PRLR: variants seen among roughly 807,000 people sequenced by gnomAD.
PRLR encodes prolactin receptor, also known as hPRL receptor.
PRLR carries 13 observed loss-of-function variants against 40.2 expected under a neutral mutation model. The observed-to-expected ratio is 0.32, with a 90% confidence interval of 0.21 to 0.51. The LOEUF is 0.51. Among genes scored for constraint, PRLR ranks in the 20% least tolerant of loss-of-function variants. The pLI is 0.97. For synonymous variants in PRLR, 269 were observed against 278.7 expected (o/e 0.97, Z 0.35); for missense variants, 656 against 747.3 (o/e 0.88, Z 1.42).
rs150007495 is a variant in PRLR at position 35,183,406 on chromosome 5, G to A, written c.-106+46862C>T. Among the ~76,000 whole-genome samples, 363 of 152,302 alleles carry A rather than the reference G, an allele frequency of 2.4e-3. 2 individuals are homozygous for A. Among genetic ancestry groups the A allele is most frequent in the African/African-American group, 8.3e-3 (346 of 41,558 alleles). ...TCGCCCCCCAATGGACACCCAGTGAGTTGCCAATGTCTCTTGTCAAAGGTA... is the reference window on the plus strand; with the variant it reads ...TCGCCCCCCAATGGACACCCAGTGAATTGCCAATGTCTCTTGTCAAAGGTA... On this transcript the variant is annotated intron_variant, in intron 1 of 9. Coordinates refer to ENST00000618457, the MANE Select transcript of PRLR (RefSeq NM_000949.7).
chr5:35,217,353 C>T (rs1187603367), intron 1 of PRLR, among the ~76,000 whole-genome samples: 2 of 152,250 alleles, frequency 1.3e-5, no homozygotes, highest in African/African-American at 2.4e-5. Context: ...GCTGAAAGTA[C>T]ATGCCCACCA....
At chr5:35,197,181 A>G (rs1428288685) in intron 1 of PRLR, among the ~76,000 whole-genome samples, 2 of 152,108 alleles carry the variant, frequency 1.3e-5, no homozygotes, top group South Asian at 2.1e-4. Flanking sequence ...GTTTAATCCA[A>G]TTTGCCGAGG....
At chr5:35,176,756 G>A (rs1165835862) in intron 1 of PRLR, among the ~76,000 whole-genome samples, 6 of 152,122 alleles carry the variant, frequency 3.9e-5, no homozygotes, top group Non-Finnish European at 7.4e-5. Flanking sequence ...TCTGAAATAC[G>A]GCCTCGTGGG....
intron 2 of PRLR, among the ~76,000 whole-genome samples, chr5:35,099,139 CA>C (rs1229037667): frequency 6.6e-6 from 1 of 152,196 alleles, no homozygotes; most frequent in African/African-American, 2.4e-5. Context: ...TCTGGCCACA[CA>C]GTTAAAGTTA....
intron 1 of PRLR, among the ~76,000 whole-genome samples, chr5:35,225,948 C>T (rs538327757): frequency 6.6e-5 from 10 of 152,314 alleles, no homozygotes; most frequent in African/African-American, 2.4e-4. Context: ...TCCTAAAGTG[C>T]TTGGATTACA....
intron 1 of PRLR, among the ~76,000 whole-genome samples, chr5:35,177,774 T>C (rs1033095876): frequency 6.6e-6 from 1 of 152,258 alleles, no homozygotes; most frequent in East Asian, 1.9e-4. Flanking sequence ...TAAACATTCA[T>C]GTACAAGTAT....
At chr5:35,072,925 T>G (rs1425678480) in intron 5 of PRLR, among the ~76,000 whole-genome samples, 181 bp from the exon 6 acceptor site, 1 of 152,230 alleles carries the variant, frequency 6.6e-6, no homozygotes, top group Non-Finnish European at 1.5e-5. Context: ...ATCATATTTG[T>G]GCATACAGAT....
At chr5:35,125,430 T>G (rs1773426793) in intron 1 of PRLR, among the ~76,000 whole-genome samples, 1 of 152,198 alleles carries the variant, frequency 6.6e-6, no homozygotes, top group African/African-American at 2.4e-5. Context: ...TAATTTAAAG[T>G]GAACTGGGAA....
chr5:35,065,152 G>A lies in PRLR; in HGVS notation c.1806C>T (p.Cys602=). 6.2e-7 allele frequency: 1 copy of A among 1,614,216 alleles called. No individual in the cohort carries two copies. Among genetic ancestry groups the A allele is most frequent in the South Asian group, 1.1e-5 (1 of 91,090 alleles). The part of the protein sequence containing the change: ...LANFTATSSK[C]RLQLGGLDYL... ...AATCCAAACCACCCAGCTGGAGCCT[G>A]CACTTGCTTGATGTTGCAGTGAAGT... Residue 602 remains cysteine (C), a synonymous_variant, in exon 10 of 10, where the codon TGC becomes TGT. Transcript: ENST00000618457.
At chr5:35,139,878 A>G (rs1049052412) in intron 1 of PRLR, among the ~76,000 whole-genome samples, 4 of 152,368 alleles carry the variant, frequency 2.6e-5, no homozygotes, top group Admixed American at 2.6e-4. Flanking sequence ...GGAATGGAGA[A>G]TAAACTGGAG....
Position 35,077,809 on chromosome 5 carries a change from G to A in PRLR, c.374-5065C>T, listed in dbSNP as rs185930403. On this transcript the variant is annotated intron_variant, in intron 5 of 9. Coordinates refer to ENST00000618457, the MANE Select transcript of PRLR (RefSeq NM_000949.7). Reference sequence around the variant, plus strand: ...AGCAGACCACATAGTTGGAAGGAAAGCACTCCTCAGCAAATGTAAAAGGAC... The same window carrying A: ...AGCAGACCACATAGTTGGAAGGAAAACACTCCTCAGCAAATGTAAAAGGAC... Among the ~76,000 whole-genome samples the A allele has an allele frequency of 1.5e-3, 229 of 152,172 alleles. 2 individuals carry two copies. The highest frequency in any genetic ancestry group is 5.2e-3 in the African/African-American group (217 of 41,442).
chr5:35,086,088 T>C, intron 4 of PRLR, 120 bp downstream of exon 4: 1 of 1,221,516 alleles, frequency 8.2e-7, no homozygotes, highest in East Asian at 2.3e-5. Flanking sequence ...CTTTCCCCGG[T>C]GGTATGAACC....
Position 35,086,302 on chromosome 5 carries a change from G to A in PRLR, c.109C>T (p.Arg37Cys), listed in dbSNP as rs1196114381. The change falls in exon 4 of 10, where the codon CGT becomes TGT. Residue 37 changes from arginine (R) to cysteine (C), a missense_variant. Physicochemically the swap from Arg to Cys is radical, Grantham distance 180. Around this residue, in one of 3 missense-constraint regions of PRLR, gnomAD observed 180 missense variants for 236.8 expected, o/e 0.76. Coordinates refer to ENST00000618457, the MANE Select transcript of PRLR (RefSeq NM_000949.7). ...PPGKPEIFKC[R>C]SPNKETFTCW... ...GTGAATGTTTCCTTATTGGGAGAAC[G>A]ACATTTAAAGATCTCAGGTTTTCCA... 3.1e-6 allele frequency: 5 copies of A among 1,613,818 alleles called. No individual in the cohort carries two copies. The highest frequency in any genetic ancestry group is 3.3e-5 in the Admixed American group (2 of 59,988).
At position 35,064,832 on chromosome 5, in the gene PRLR, G is replaced by A. The variant is rs955000548; in HGVS notation, c.*257C>T. 2.1e-4 allele frequency: 98 copies of A among 467,384 alleles called. No homozygotes were observed. The highest frequency in any genetic ancestry group is 1.8e-3 in the African/African-American group (93 of 51,516). The allele number at this position is 467,384 out of a possible 1,614,324, so 29.0% of individuals were successfully genotyped here. ...CATTGTCCCTCAAGAATACTAAGCA[G>A]TGTGCTTTTATTTCATTGAACACAT... is the stretch of plus-strand genomic sequence containing the variant. On this transcript the variant is annotated 3_prime_UTR_variant, in exon 10 of 10. Transcript: ENST00000618457.
Position 35,063,318 on chromosome 5 carries a change from G to A in PRLR, c.*1771C>T, listed in dbSNP as rs1012216787. The A allele has an allele frequency of 6.6e-6, 1 of 152,170 alleles. No individual in the cohort carries two copies. The highest frequency in any genetic ancestry group is 2.4e-5 in the African/African-American group (1 of 41,434). The allele number at this position is 152,170 out of a possible 1,614,324, so 9.4% of individuals were successfully genotyped here. On this transcript the variant is annotated 3_prime_UTR_variant, in exon 10 of 10. Transcript: ENST00000618457. ...TCTGAGTCCAGTTGCTATCAATATGGGATAGTTGGGGTGGAATATTTAACT... is the reference window on the plus strand; with the variant it reads ...TCTGAGTCCAGTTGCTATCAATATGAGATAGTTGGGGTGGAATATTTAACT...
In PRLR at chr5:35,120,189, T is replaced by C. The variant is rs186649584; in HGVS notation, c.-105-2067A>G. 4.9e-4 allele frequency among the ~76,000 whole-genome samples: 75 copies of C among 151,766 alleles called. 1 individual carries two copies. The East Asian group carries it at 0.012, about 25-fold the overall frequency. ...CTCCCTCCCTGACTGCCTCAGAGAG[T>C]GGTGCTAGCCGTGGTTGTGTATCTT... On this transcript the variant is annotated intron_variant, in intron 1 of 9. Coordinates refer to ENST00000618457, the MANE Select transcript of PRLR (RefSeq NM_000949.7).
chr5:35,211,341 A>G (rs1561367324), intron 1 of PRLR, among the ~76,000 whole-genome samples: 1 of 152,192 alleles, frequency 6.6e-6, no homozygotes, highest in Non-Finnish European at 1.5e-5. Flanking sequence ...AACCTGGAAC[A>G]CCATGTTCCA....
Position 35,084,594 on chromosome 5 carries a change from G to A in PRLR, c.249C>T (p.Pro83=). 1.9e-6 allele frequency: 3 copies of A among 1,610,854 alleles called. No homozygotes were observed. Among genetic ancestry groups the A allele is most frequent in the South Asian group, 2.2e-5 (2 of 90,246 alleles). Residue 83 remains proline (P), a synonymous_variant, in exon 5 of 10, where the codon CCC becomes CCT. Transcript: ENST00000618457. ...HECPDYITGG[P]NSCHFGKQYT... is the part of the protein sequence containing the mutation. ...ACTGCTTGCCAAAGTGGCAGGAGTT[G>A]GGGCCACCGGTTATGTAGTCTGGAC...
intron 2 of PRLR, among the ~76,000 whole-genome samples, chr5:35,112,959 C>A (rs118073904): frequency 6.6e-6 from 1 of 152,236 alleles, no homozygotes; most frequent in East Asian, 1.9e-4. Flanking sequence ...TTCATACTCC[C>A]AGAGCAACTT....
Sources: gnomAD v4.1 joint callset for allele counts (sites outside exome capture counted in the v4.1 genomes callset) on GRCh38, gnomAD v4.1.1 for gene constraint, gnomAD v4.1.1 regional missense constraint, MANE v1.5 for transcripts, NCBI Gene and HGNC (gene_info 2026-07-23, HGNC 2026-07-21) for gene names.